CGN: variants seen among roughly 807,000 people sequenced by gnomAD.
CGN encodes the protein cingulin.
In CGN, 121 loss-of-function variants were observed where a neutral mutation model predicts 157.1. The observed-to-expected ratio is 0.77, with a 90% CI of 0.66 to 0.90. The LOEUF (loss-of-function observed/expected upper bound fraction) is 0.90, where lower values mean the gene tolerates loss of function less well. Among genes scored for constraint, CGN ranks in the 40% least tolerant of loss-of-function variants. The pLI is 0.00. For synonymous variants in CGN, 535 were observed against 607.5 expected (o/e 0.88, Z 1.76); for missense variants, 1,424 against 1,520.9 (o/e 0.94, Z 1.06).
At chr1:151,513,678 T>A (rs1045293241) in intron 1 of CGN, among the ~76,000 whole-genome samples, 1 of 152,106 alleles carries the variant, frequency 6.6e-6, no homozygotes, top group African/African-American at 2.4e-5. Context: ...CCAGATACCC[T>A]GTCACTCCTA....
chr1:151,537,174 T>G (rs527451578), intron 20 of CGN, 31 bp from the exon 21 acceptor site: 1 of 1,591,594 alleles, frequency 6.3e-7, no homozygotes, highest in East Asian at 2.2e-5. Flanking sequence ...TATTTTCCCC[T>G]CCCCAACCAT....
rs765281721 is a variant in CGN, at chr1:151,523,579, C to T, written c.1268+18C>T. 9.4e-6 allele frequency: 15 copies of T among 1,589,200 alleles called. No homozygotes were observed. The highest frequency in any genetic ancestry group is 1.8e-5 in the Admixed American group (1 of 55,956). On this transcript the variant is annotated intron_variant, in intron 6 of 20. Coordinates refer to ENST00000271636, the MANE Select transcript of CGN (RefSeq NM_020770.3). ...AACAAGGAGTGAGTGCAGCTGGTGG[C>T]GCACCTCGGGCTGCTTGGGGGCCTA...
chr1:151,512,933 T>C (rs1416271529), intron 1 of CGN, among the ~76,000 whole-genome samples: 2 of 152,076 alleles, frequency 1.3e-5, no homozygotes, highest in Non-Finnish European at 2.9e-5. Flanking sequence ...AGGGCTCTTC[T>C]CTTTGTGCCA....
At chr1:151,527,363 G>A (rs752539466) in intron 10 of CGN, among the ~76,000 whole-genome samples, 3 of 152,214 alleles carry the variant, frequency 2.0e-5, no homozygotes, top group Non-Finnish European at 4.4e-5. Flanking sequence ...CCCAAGAGAC[G>A]TCATGGGTAG....
At position 151,524,779 on chromosome 1, in the gene CGN, G is replaced by T. The variant is rs774301238; in HGVS notation, c.1507G>T (p.Ala503Ser). The change falls in exon 8 of 21, where the codon GCC (alanine) becomes TCC (serine). Residue 503 changes from alanine (A) to serine (S), a missense_variant. Around this residue, in one of 3 missense-constraint regions of CGN, gnomAD observed 1,187 missense variants for 1,217.6 expected, o/e 0.97. Transcript: ENST00000271636. This position sits in a 1 kb window ranked among gnomAD's most constrained non-coding sequence, Gnocchi z 4.4. ...GCGGGAGTTGACAGCCCTGAAGGGG[G>T]CCCTGAAAGAGGAGGTAGCCTCCCG... ...RERELTALKG[A>S]LKEEVASRDQ... 2 of 1,612,860 alleles carry T rather than the reference G, an allele frequency of 1.2e-6. No homozygotes were observed. Among genetic ancestry groups the T allele is most frequent in the Admixed American group, 1.7e-5 (1 of 59,946 alleles).
chr1:151,516,731 A>G (rs1036126818), intron 1 of CGN, among the ~76,000 whole-genome samples: 25 of 151,490 alleles, frequency 1.7e-4, no homozygotes, highest in African/African-American at 6.0e-4. Context: ...TAGTAGAGAC[A>G]GGGTTTCACC....
At chr1:151,528,121 A>G (rs906548650) in intron 10 of CGN, among the ~76,000 whole-genome samples, 10 of 150,812 alleles carry the variant, frequency 6.6e-5, no homozygotes, top group Admixed American at 6.6e-4. Flanking sequence ...ACGCCCGGCT[A>G]ATTTTTTTTG....
intron 2 of CGN, among the ~76,000 whole-genome samples, chr1:151,519,679 A>G (rs1192589562): frequency 6.6e-6 from 1 of 152,224 alleles, no homozygotes; most frequent in African/African-American, 2.4e-5. Context: ...AGTCACCAGC[A>G]TTTGCAAGGT....
Position 151,520,416 on chromosome 1 carries a change from G to C in CGN, c.977G>C (p.Ser326Thr), listed in dbSNP as rs1311237928. The change falls in exon 4 of 21, where the codon AGC (serine) becomes ACC (threonine). Residue 326 changes from serine (S) to threonine (T), a missense_variant and splice_region_variant. Transcript: ENST00000271636. ...GCTTCTATCCTTTTATCCTCTAGAA[G>C]CTCAGAAAGTGAAACCTCTGTGAGG... ...ATIYGILREG[S>T]SESETSVRRK... is the part of the protein sequence containing the mutation. The C allele has an allele frequency of 2.5e-6, 4 of 1,613,900 alleles. No homozygotes were observed. Among genetic ancestry groups the C allele is most frequent in the Non-Finnish European group, 2.5e-6 (3 of 1,179,802 alleles).
intron 10 of CGN, among the ~76,000 whole-genome samples, 171 bp from the exon 11 acceptor site, chr1:151,529,179 G>T (rs1056042716): frequency 9.2e-5 from 14 of 152,192 alleles, no homozygotes; most frequent in African/African-American, 3.4e-4. Context: ...AATTGCTGGT[G>T]ATATAAATGG....
chr1:151,519,159 A>G lies in CGN; in HGVS notation c.640A>G (p.Ser214Gly). 6.2e-7 allele frequency: 1 copy of G among 1,614,022 alleles called. No homozygotes were observed. The highest frequency in any genetic ancestry group is 8.5e-7 in the Non-Finnish European group (1 of 1,180,034). ...CCCTGAACAGCGCAAACGGAGCAAG[A>G]GCCTGGACAGCCGCCTCCCACGGGA... is the stretch of plus-strand genomic sequence containing the variant. Reference protein sequence around the residue: ...LPPEQRKRSKSLDSRLPRDTF... With the variant: ...LPPEQRKRSKGLDSRLPRDTF... Residue 214 changes from serine (S) to glycine (G), a missense_variant, in exon 2 of 21, where the codon AGC becomes GGC. By Grantham distance (56) the Ser-to-Gly change is moderately conservative. This residue lies in a region of CGN where 1,187 missense variants were observed against 1,217.6 expected (regional missense o/e 0.97). Transcript: ENST00000271636.
In CGN at chr1:151,532,525, A is replaced by G. The variant is rs765225912; in HGVS notation, c.2695A>G (p.Ser899Gly). ...CCAGCGCCAGGCCAAGGATTGGGCC[A>G]GTGAGGCTGAGAAGACCTCTGGAGG... ...DAQRQAKDWA[S>G]EAEKTSGGLS... The change falls in exon 14 of 21, where the codon AGT becomes GGT. Residue 899 changes from serine to glycine, a missense_variant. Physicochemically the swap from Ser to Gly is moderately conservative, Grantham distance 56. This residue lies in a region of CGN where 1,187 missense variants were observed against 1,217.6 expected (regional missense o/e 0.97). Coordinates refer to ENST00000271636, the MANE Select transcript of CGN (RefSeq NM_020770.3). 3.1e-6 allele frequency: 5 copies of G among 1,598,188 alleles called. No homozygotes were observed. The East Asian group carries it at 9.2e-5, about 30-fold the overall frequency.
chr1:151,530,164 A>G, intron 12 of CGN, 49 bp downstream of exon 12: 11 of 1,548,248 alleles, frequency 7.1e-6, no homozygotes, highest in Non-Finnish European at 9.7e-6. Flanking sequence ...CTGGTGAAAT[A>G]CTCCTATGCT....
intron 19 of CGN, 60 bp downstream of exon 19, chr1:151,536,405 C>T: frequency 2.0e-6 from 2 of 1,001,858 alleles, no homozygotes; most frequent in South Asian, 2.6e-5. Context: ...ATATGTTTTC[C>T]TGAAAGCCAA....
At chr1:151,535,170 T>G in intron 16 of CGN, 39 bp downstream of exon 16, 2 of 1,421,380 alleles carry the variant, frequency 1.4e-6, no homozygotes, top group African/African-American at 1.4e-5. Context: ...TACCCCTGAC[T>G]GCATCACCTC....
rs1298898594 is a variant in CGN, at chr1:151,523,450, A to C, written c.1157A>C (p.Glu386Ala). 1 of 1,613,152 alleles carries C rather than the reference A, an allele frequency of 6.2e-7. No individual in the cohort carries two copies. The change falls in exon 6 of 21, where the codon GAG (glutamate) becomes GCG (alanine). Residue 386 changes from glutamate to alanine, a missense_variant. Glu to Ala is a moderately radical substitution (Grantham distance 107). Around this residue, in one of 3 missense-constraint regions of CGN, gnomAD observed 1,187 missense variants for 1,217.6 expected, o/e 0.97. Coordinates refer to ENST00000271636, the MANE Select transcript of CGN (RefSeq NM_020770.3). Reference protein sequence around the residue: ...DEEVKKRQKLEPSQVGLERQL... With the variant: ...DEEVKKRQKLAPSQVGLERQL... ...CTTTTACAGAAGCGGCAGAAGCTAG[A>C]GCCATCCCAAGTTGGGCTGGAGCGG...
At chr1:151,526,272 G>A (rs1270774879) in intron 9 of CGN, among the ~76,000 whole-genome samples, 3 of 151,178 alleles carry the variant, frequency 2.0e-5, no homozygotes, top group Admixed American at 6.6e-5. Flanking sequence ...TCCGCCTCCT[G>A]GGTTCAAGCG....
intron 1 of CGN, among the ~76,000 whole-genome samples, chr1:151,517,355 C>T (rs1478419844): frequency 6.6e-6 from 1 of 152,032 alleles, no homozygotes; most frequent in African/African-American, 2.4e-5. Flanking sequence ...AAGTTTCTTT[C>T]CAGAAGTGGG....
intron 13 of CGN, among the ~76,000 whole-genome samples, chr1:151,531,223 G>A (rs1233927468): frequency 2.0e-5 from 3 of 151,744 alleles, no homozygotes; most frequent in Non-Finnish European, 4.4e-5. Flanking sequence ...TTCTGGAAGG[G>A]GCATCCTTCC....
Sources: gnomAD v4.1 joint callset for allele counts (sites outside exome capture counted in the v4.1 genomes callset) on GRCh38, gnomAD v4.1.1 for gene constraint, gnomAD v4.1.1 regional missense constraint, Gnocchi (gnomAD v3.1) non-coding constraint, MANE v1.5 for transcripts, NCBI Gene and HGNC (gene_info 2026-07-23, HGNC 2026-07-21) for gene names.